ATP13A5: variants seen among roughly 807,000 people sequenced by gnomAD.
The protein encoded by ATP13A5 is probable cation-transporting ATPase 13A5.
In ATP13A5, 149 loss-of-function variants were observed where a neutral mutation model predicts 150.2. That is an observed-to-expected ratio of 0.99 (90% confidence interval 0.87 to 1.14). The LOEUF is 1.14. Ranked by LOEUF, ATP13A5 falls within the 50% of genes most tolerant of loss-of-function variation. The pLI, the probability that ATP13A5 is intolerant of heterozygous loss-of-function variation, is 0.00. For synonymous variants in ATP13A5, 497 were observed against 522.2 expected (o/e 0.95, Z 0.66); for missense variants, 1,383 against 1,449.3 (o/e 0.95, Z 0.74).
intron 11 of ATP13A5, 76 bp downstream of exon 11, chr3:193,333,674 C>A: frequency 7.1e-7 from 1 of 1,418,404 alleles, no homozygotes; most frequent in Non-Finnish European, 9.7e-7. Flanking sequence ...AAGATGTAAC[C>A]TAAACCAATC....
At chr3:193,303,470 T>C (rs1378103892) in intron 23 of ATP13A5, among the ~76,000 whole-genome samples, 3 of 152,144 alleles carry the variant, frequency 2.0e-5, no homozygotes, top group Admixed American at 6.6e-5. Flanking sequence ...TGTGTGTGTA[T>C]AAAACATGCC....
intron 11 of ATP13A5, among the ~76,000 whole-genome samples, chr3:193,332,076 T>C (rs1004852910): frequency 2.6e-5 from 4 of 152,104 alleles, no homozygotes; most frequent in Non-Finnish European, 5.9e-5. Context: ...GAATTGTAGC[T>C]CCCCTAATTC....
chr3:193,287,532 C>T (rs180687739), intron 26 of ATP13A5, among the ~76,000 whole-genome samples: 19 of 152,218 alleles, frequency 1.2e-4, no homozygotes, highest in African/African-American at 4.3e-4. Flanking sequence ...GATGACAGCA[C>T]GTCTGTTTAC....
rs773403664 is a variant in ATP13A5 at position 193,275,310 on chromosome 3, A to C, written c.3397-8T>G. The C allele has an allele frequency of 9.3e-6, 15 of 1,611,256 alleles. No homozygotes were observed. The highest frequency in any genetic ancestry group is 1.1e-5 in the Non-Finnish European group (13 of 1,179,484). The stretch of plus-strand genomic sequence containing the variant: ...ATTTTGAAGGATGGAATCCTGAAAA[A>C]TCAGATGGGAAAACAATCAATTTAT... On this transcript the variant is annotated splice_polypyrimidine_tract_variant and splice_region_variant and intron_variant, in intron 29 of 29. Coordinates refer to ENST00000342358, the MANE Select transcript of ATP13A5 (RefSeq NM_198505.4).
At chr3:193,373,169 C>T (rs930878906) in intron 1 of ATP13A5, among the ~76,000 whole-genome samples, 2 of 152,096 alleles carry the variant, frequency 1.3e-5, no homozygotes, top group African/African-American at 4.8e-5. Context: ...GATAGAGTCT[C>T]ACTCCATTGC....
intron 7 of ATP13A5, among the ~76,000 whole-genome samples, chr3:193,346,761 T>G (rs1389558300): frequency 6.6e-6 from 1 of 152,168 alleles, no homozygotes; most frequent in Non-Finnish European, 1.5e-5. Context: ...TATGATATAC[T>G]TCAGTTTTGC....
intron 24 of ATP13A5, 46 bp from the exon 25 acceptor site, chr3:193,299,249 T>C (rs758352859): frequency 5.5e-6 from 8 of 1,456,310 alleles, no homozygotes; most frequent in Admixed American, 1.8e-5. Flanking sequence ...TCTGCCATCA[T>C]AGCCTATTTA....
At chr3:193,357,962 TATTCATTC>T (rs925323398) in intron 5 of ATP13A5, among the ~76,000 whole-genome samples, 1 of 121,180 alleles carries the variant, frequency 8.3e-6, no homozygotes, top group Non-Finnish European at 1.7e-5. Context: ...TTTCATTTGT[TATTCATTC>T]ATTCATTCAT....
chr3:193,374,402 G>T (rs961662395), intron 1 of ATP13A5, among the ~76,000 whole-genome samples: 5 of 151,752 alleles, frequency 3.3e-5, no homozygotes, highest in African/African-American at 1.2e-4. Flanking sequence ...CAGCATTTTA[G>T]GAGTTCGAGG....
chr3:193,290,663 T>A (rs1717914484), intron 25 of ATP13A5, among the ~76,000 whole-genome samples: 1 of 152,134 alleles, frequency 6.6e-6, no homozygotes, highest in Non-Finnish European at 1.5e-5. Flanking sequence ...AAAGAACTCA[T>A]GAAAAATATT....
chr3:193,304,870 G>A (rs1718547272), intron 23 of ATP13A5, among the ~76,000 whole-genome samples: 1 of 152,152 alleles, frequency 6.6e-6, no homozygotes, highest in Admixed American at 6.5e-5. Context: ...TACAAAGATG[G>A]CGAAGGTGAA....
chr3:193,359,438 T>C (rs1271491989), intron 5 of ATP13A5, among the ~76,000 whole-genome samples: 1 of 152,196 alleles, frequency 6.6e-6, no homozygotes, highest in African/African-American at 2.4e-5. Flanking sequence ...TTTTCTGATG[T>C]TCTGTGTTCT....
chr3:193,276,212 C>CA (rs967781397), intron 29 of ATP13A5, among the ~76,000 whole-genome samples: 3 of 152,062 alleles, frequency 2.0e-5, no homozygotes, highest in Non-Finnish European at 4.4e-5. Context: ...TCTCCTTTTA[C>CA]AAAAAAGAAC....
chr3:193,312,783 T>C (rs1211358993), intron 19 of ATP13A5: 1 of 152,148 alleles, frequency 6.6e-6, no homozygotes, highest in Non-Finnish European at 1.5e-5. Context: ...AAAATTGCTG[T>C]GCTGAATTGG....
intron 27 of ATP13A5, among the ~76,000 whole-genome samples, chr3:193,281,517 G>C (rs989739796): frequency 3.3e-5 from 5 of 152,128 alleles, no homozygotes; most frequent in Non-Finnish European, 1.5e-5. Context: ...TCCTGTGTAA[G>C]CCATTACACT....
Position 193,331,272 on chromosome 3 carries a change from G to A in ATP13A5, c.1312C>T (p.Leu438Phe). 6.2e-7 allele frequency: 1 copy of A among 1,613,938 alleles called. No individual in the cohort carries two copies. Among genetic ancestry groups the A allele is most frequent in the East Asian group, 2.2e-5 (1 of 44,860 alleles). The change falls in exon 12 of 30, where the codon CTC becomes TTC. Residue 438 changes from leucine to phenylalanine, a missense_variant. This residue lies in a region of ATP13A5 where 787 missense variants were observed against 771.9 expected (regional missense o/e 1.02). Transcript: ENST00000342358. ...AGCACTGGAGGGACAGTCACGGTGA[G>A]GAGGATCAGGGCCATGGTCACAGTA... The part of the protein sequence containing the change: ...KDTVTMALIL[L>F]TVTVPPVLPA...
In ATP13A5 at chr3:193,274,964, A is replaced by C. The variant is rs1717115653; in HGVS notation, c.*78T>G. 1 of 1,546,598 alleles carries C rather than the reference A, an allele frequency of 6.5e-7. No individual in the cohort carries two copies. The highest frequency in any genetic ancestry group is 1.4e-5 in the African/African-American group (1 of 73,192). On this transcript the variant is annotated 3_prime_UTR_variant, in exon 30 of 30. Coordinates refer to ENST00000342358, the MANE Select transcript of ATP13A5 (RefSeq NM_198505.4). ...ATGGAGAGAGGAAAGGTAAGGGGAG[A>C]GTATCATCACTTCTCCACAATGTGT...
chr3:193,334,785 T>C (rs1711781759), intron 10 of ATP13A5, 144 bp downstream of exon 10: 3 of 699,110 alleles, frequency 4.3e-6, no homozygotes. Context: ...AGTGACACTT[T>C]AGAATAATAA....
chr3:193,289,904 A>G lies in ATP13A5; in HGVS notation c.3004T>C (p.Cys1002Arg). Residue 1002 changes from cysteine (C) to arginine (R), a missense_variant, in exon 26 of 30, where the codon TGT becomes CGT. Physicochemically the swap from Cys to Arg is radical, Grantham distance 180 (BLOSUM62 -3). Transcript: ENST00000342358. ...ACTTACCTGTATTGGTAGACCTCAC[A>G]ATACCAAGGCTGCTGCTTCACATAG... The part of the protein sequence containing the change: ...FLYVKQQPWY[C>R]EVYQYSECFL... 1 of 1,607,474 alleles carries G rather than the reference A, an allele frequency of 6.2e-7. No homozygotes were observed. Among genetic ancestry groups the G allele is most frequent in the Non-Finnish European group, 8.5e-7 (1 of 1,177,458 alleles).
Sources: gnomAD v4.1 joint callset for allele counts (sites outside exome capture counted in the v4.1 genomes callset) on GRCh38, gnomAD v4.1.1 for gene constraint, gnomAD v4.1.1 regional missense constraint, MANE v1.5 for transcripts, NCBI Gene and HGNC (gene_info 2026-07-23, HGNC 2026-07-21) for gene names.